Variants in MANF observed in about 807,000 individuals in gnomAD.
The protein encoded by MANF is mesencephalic astrocyte derived neurotrophic factor.
Under a neutral mutation model 19.1 loss-of-function variants are expected in MANF, and 9 were observed. The observed-to-expected ratio is 0.47, with a 90% CI of 0.28 to 0.82. The LOEUF is 0.82. MANF is among the 40% of genes least tolerant of loss of function. MANF has a pLI of 0.10. For synonymous variants in MANF, 89 were observed against 88.0 expected (o/e 1.01, Z -0.06); for missense variants, 225 against 226.7 (o/e 0.99, Z 0.05).
intron 2 of MANF, 26 bp downstream of exon 2, chr3:51,386,361 C>G (rs782273055): frequency 6.2e-7 from 1 of 1,612,778 alleles, no homozygotes. Flanking sequence ...TCCTCCCCAA[C>G]TGGCCCTGGC....
chr3:51,385,362 C>A lies in MANF; in HGVS notation c.20C>A (p.Thr7Lys). The change falls in exon 1 of 4, where the codon ACG becomes AAG. Residue 7 changes from threonine to lysine, a missense_variant. Coordinates refer to ENST00000528157, the MANE Select transcript of MANF (RefSeq NM_006010.6). Reference sequence around the variant, plus strand: ...AGGAGGATGAGGAGGATGTGGGCCACGCAGGGGCTGGCGGTGGCGCTGGCT... The same window carrying A: ...AGGAGGATGAGGAGGATGTGGGCCAAGCAGGGGCTGGCGGTGGCGCTGGCT... MRRMWA[T>K]QGLAVALALS... The A allele has an allele frequency of 1.6e-6, 2 of 1,239,568 alleles. No homozygotes were observed. Among genetic ancestry groups the A allele is most frequent in the Non-Finnish European group, 1.0e-6 (1 of 989,638 alleles). 76.8% of individuals were successfully genotyped at this position (1,239,568 alleles called of 1,614,324 possible). A position where few individuals can be genotyped will look rare whatever the true frequency, so the allele number is the denominator to read the frequency against.
intron 1 of MANF, chr3:51,385,955 G>A: frequency 2.0e-6 from 1 of 493,176 alleles, no homozygotes; most frequent in Non-Finnish European, 3.6e-6. Context: ...TTGATGAAAG[G>A]AGCAGGGAGA....
intron 2 of MANF, chr3:51,387,099 G>C: frequency 2.8e-6 from 1 of 357,020 alleles, no homozygotes; most frequent in Non-Finnish European, 5.6e-6. Flanking sequence ...AAGGTGGGAG[G>C]ATTGCTTGAA....
intron 2 of MANF, chr3:51,387,188 CTCACACCT>C: frequency 3.1e-6 from 1 of 320,474 alleles, no homozygotes; most frequent in Non-Finnish European, 6.2e-6. Context: ...GGCGTGGTGG[CTCACACCT>C]GTAATCTCAG....
rs782484642 is a variant in MANF, at chr3:51,386,255, G to A, written c.142G>A (p.Asp48Asn). 1.9e-6 allele frequency: 3 copies of A among 1,613,678 alleles called. No individual in the cohort carries two copies. The highest frequency in any genetic ancestry group is 1.7e-5 in the Admixed American group (1 of 59,974). Residue 48 changes from aspartate (D) to asparagine (N), a missense_variant, in exon 2 of 4, where the codon GAT (aspartate) becomes AAT (asparagine). By Grantham distance (23) the Asp-to-Asn change is conservative. Transcript: ENST00000528157. ...ATTTTACCAGGACCTCAAAGACAGAGATGTCACATTCTCACCAGCCACTAT... is the reference window on the plus strand; with the variant it reads ...ATTTTACCAGGACCTCAAAGACAGAAATGTCACATTCTCACCAGCCACTAT... ...GRFYQDLKDR[D>N]VTFSPATIEN...
intron 2 of MANF, among the ~76,000 whole-genome samples, chr3:51,386,670 T>G (rs1343762533): frequency 6.6e-6 from 1 of 152,038 alleles, no homozygotes; most frequent in Non-Finnish European, 1.5e-5. Flanking sequence ...TGATTTAGAG[T>G]GGCCAAGAAG....
At chr3:51,388,698 A>G (rs1577017149) in intron 3 of MANF, among the ~76,000 whole-genome samples, 1 of 152,306 alleles carries the variant, frequency 6.6e-6, no homozygotes, top group Middle Eastern at 3.4e-3. Flanking sequence ...AGTAGACATA[A>G]TATGTAGCCA....
intron 3 of MANF, among the ~76,000 whole-genome samples, chr3:51,388,642 G>A (rs2106637601): frequency 6.7e-6 from 1 of 150,200 alleles, no homozygotes; most frequent in East Asian, 2.2e-4. Flanking sequence ...CTCCTATAAG[G>A]ACAGTGTGGC....
Position 51,389,123 on chromosome 3 carries a change from A to T in MANF, c.*34A>T. On this transcript the variant is annotated 3_prime_UTR_variant, in exon 4 of 4. Transcript: ENST00000528157. ...ATCTCTGTTGCACCTGAGGGGGAAAAAACAGTTCAACTGCTTACTCCCAAA... is the reference window on the plus strand; with the variant it reads ...ATCTCTGTTGCACCTGAGGGGGAAATAACAGTTCAACTGCTTACTCCCAAA... 6.3e-7 allele frequency: 1 copy of T among 1,585,052 alleles called. No individual in the cohort carries two copies. The highest frequency in any genetic ancestry group is 8.6e-7 in the Non-Finnish European group (1 of 1,165,698).
intron 3 of MANF, among the ~76,000 whole-genome samples, chr3:51,388,586 A>G (rs2088986368): frequency 6.6e-6 from 1 of 152,138 alleles, no homozygotes; most frequent in Non-Finnish European, 1.5e-5. Context: ...AGTTGTTAGT[A>G]TGTGGTGACT....
At position 51,385,308 on chromosome 3, in the gene MANF, A is replaced by T. The variant is rs1477742402; in HGVS notation, c.-35A>T. The T allele has an allele frequency of 2.6e-6, 3 of 1,176,244 alleles. No homozygotes were observed. In the Admixed American group the frequency reaches 1.3e-4, roughly 52 times the overall value. The allele number at this position is 1,176,244 out of a possible 1,614,324, so 72.9% of individuals were successfully genotyped here. A position where few individuals can be genotyped will look rare whatever the true frequency, so the allele number is the denominator to read the frequency against. Reference sequence around the variant, plus strand: ...TGCGGTTCAGTCGGTCGGCGGCGGCAGCGGAGGAGGAGGAGGAGGAGGAGG... The same window carrying T: ...TGCGGTTCAGTCGGTCGGCGGCGGCTGCGGAGGAGGAGGAGGAGGAGGAGG... On this transcript the variant is annotated 5_prime_UTR_variant, in exon 1 of 4. Coordinates refer to ENST00000528157, the MANE Select transcript of MANF (RefSeq NM_006010.6).
chr3:51,385,380 C>T lies in MANF; in HGVS notation c.38C>T (p.Ala13Val), dbSNP rs545661735. The T allele has an allele frequency of 1.6e-5, 20 of 1,238,964 alleles. No individual in the cohort carries two copies. Among genetic ancestry groups the T allele is most frequent in the Middle Eastern group, 3.0e-4 (1 of 3,338 alleles). 76.7% of individuals were successfully genotyped at this position (1,238,964 alleles called of 1,614,324 possible). A position where few individuals can be genotyped will look rare whatever the true frequency, so the allele number is the denominator to read the frequency against. Residue 13 changes from alanine to valine, a missense_variant, in exon 1 of 4, where the codon GCG (alanine) becomes GTG (valine). Coordinates refer to ENST00000528157, the MANE Select transcript of MANF (RefSeq NM_006010.6). Reference sequence around the variant, plus strand: ...TGGGCCACGCAGGGGCTGGCGGTGGCGCTGGCTCTGAGCGTGCTGCCGGGC... The same window carrying T: ...TGGGCCACGCAGGGGCTGGCGGTGGTGCTGGCTCTGAGCGTGCTGCCGGGC... ...RMWATQGLAV[A>V]LALSVLPGSR...
rs183544371 is a variant in MANF at position 51,386,043 on chromosome 3, C to A, written c.95-165C>A. On this transcript the variant is annotated intron_variant, in intron 1 of 3. Transcript: ENST00000528157. ...CCAGGGGACCCCCGCCACTTGGAAC[C>A]GGGTTCTGTCTACCTGTAGACACCT... The A allele has an allele frequency of 1.6e-3, 1,066 of 686,116 alleles. 11 individuals carry two copies. In the African/African-American group the frequency reaches 0.018, roughly 11 times the overall value. 42.5% of individuals were successfully genotyped at this position (686,116 alleles called of 1,614,324 possible). A position where few individuals can be genotyped will look rare whatever the true frequency, so the allele number is the denominator to read the frequency against.
chr3:51,388,891 GCT>G lies in MANF; in HGVS notation c.365-8_365-7del, dbSNP rs2088990476. On this transcript the variant is annotated splice_polypyrimidine_tract_variant and intron_variant, in intron 3 of 3. Transcript: ENST00000528157. The stretch of plus-strand genomic sequence containing the variant: ...CTCCACCCAGTCAGTGACTCTCCCT[GCT>G]CTCTCCTCCAGACAAGCAGATCGAC... 6.4e-7 allele frequency: 1 copy of G among 1,551,134 alleles called. No homozygotes were observed. Among genetic ancestry groups the G allele is most frequent in the Non-Finnish European group, 8.7e-7 (1 of 1,148,056 alleles).
chr3:51,386,287 C>T lies in MANF; in HGVS notation c.174C>T (p.Asn58=), dbSNP rs1055868116. ...DVTFSPATIE[N]ELIKFCREAR... ...CATTCTCACCAGCCACTATTGAAAA[C>T]GAACTTATAAAGTTCTGCCGGGAAG... Residue 58 remains asparagine (N), a synonymous_variant, in exon 2 of 4, where the codon AAC becomes AAT. Transcript: ENST00000528157. The T allele has an allele frequency of 1.9e-6, 3 of 1,613,814 alleles. No individual in the cohort carries two copies. Among genetic ancestry groups the T allele is most frequent in the African/African-American group, 2.7e-5 (2 of 74,912 alleles).
intron 3 of MANF, 81 bp downstream of exon 3, chr3:51,387,959 C>T: frequency 4.9e-6 from 7 of 1,415,056 alleles, no homozygotes; most frequent in Non-Finnish European, 5.9e-6. Context: ...AAATGATGAG[C>T]TAGAGTCATG....
rs1553620872 is a variant in MANF, at chr3:51,386,197, C to G, written c.95-11C>G. 6.2e-7 allele frequency: 1 copy of G among 1,613,020 alleles called. No individual in the cohort carries two copies. Among genetic ancestry groups the G allele is most frequent in the Non-Finnish European group, 8.5e-7 (1 of 1,179,418 alleles). ...TGATTGCTGAGCATCTCCCGTCCCTCTCTTTTCCAGTTTGTATTTCTTATC... is the reference window on the plus strand; with the variant it reads ...TGATTGCTGAGCATCTCCCGTCCCTGTCTTTTCCAGTTTGTATTTCTTATC... On this transcript the variant is annotated splice_polypyrimidine_tract_variant and intron_variant, in intron 1 of 3. Transcript: ENST00000528157.
At position 51,385,329 on chromosome 3, in the gene MANF, G is replaced by GGAA; in HGVS notation, c.-12_-11insAGA. ...CGGCAGCGGAGGAGGAGGAGGAGGA[G>GGAA]GAGGATGAGGAGGATGAGGAGGATG... On this transcript the variant is annotated 5_prime_UTR_variant, in exon 1 of 4. Transcript: ENST00000528157. The GGAA allele has an allele frequency of 9.1e-7, 1 of 1,102,190 alleles. No individual in the cohort carries two copies. Among genetic ancestry groups the GGAA allele is most frequent in the Non-Finnish European group, 1.1e-6 (1 of 871,596 alleles). 68.3% of individuals were successfully genotyped at this position (1,102,190 alleles called of 1,614,324 possible). A position where few individuals can be genotyped will look rare whatever the true frequency, so the allele number is the denominator to read the frequency against.
At chr3:51,388,654 T>C (rs2088986766) in intron 3 of MANF, among the ~76,000 whole-genome samples, 1 of 149,670 alleles carries the variant, frequency 6.7e-6, no homozygotes, top group South Asian at 2.1e-4. Flanking sequence ...CAGTGTGGCC[T>C]CTGTCCCTAT....
Sources: gnomAD v4.1 joint callset for allele counts (sites outside exome capture counted in the v4.1 genomes callset) on GRCh38, gnomAD v4.1.1 for gene constraint, MANE v1.5 for transcripts, NCBI Gene and HGNC (gene_info 2026-07-23, HGNC 2026-07-21) for gene names.